KCNH8: variants seen among roughly 807,000 people sequenced by gnomAD.
The protein encoded by KCNH8 is voltage-gated delayed rectifier potassium channel KCNH8.
A neutral mutation model predicts 103.6 loss-of-function variants in KCNH8; 70 were observed. That is an observed-to-expected ratio of 0.68 (90% confidence interval 0.56 to 0.82). KCNH8 has a LOEUF of 0.82. Among genes scored for constraint, KCNH8 ranks in the 40% least tolerant of loss-of-function variants. KCNH8 has a pLI of 0.00. For missense variants in KCNH8, 1,217 were observed against 1,329.9 expected, an observed-to-expected ratio of 0.92 and a Z score of 1.32; for synonymous variants, 498 against 489.4, an observed-to-expected ratio of 1.02 and a Z score of -0.23.
At chr3:19,186,482 A>G in intron 1 of KCNH8, among the ~76,000 whole-genome samples, 1 of 151,918 alleles carries the variant, frequency 6.6e-6, no homozygotes, top group East Asian at 1.9e-4. Flanking sequence ...TTTTATTCAT[A>G]TATTGAAAGG....
intron 1 of KCNH8, among the ~76,000 whole-genome samples, chr3:19,151,312 C>T (rs779430905): frequency 3.9e-5 from 6 of 151,978 alleles, no homozygotes; most frequent in Non-Finnish European, 7.4e-5. Flanking sequence ...AAATTGCCAC[C>T]TACTCAAAAA....
chr3:19,483,943 A>G (rs1052177695), intron 11 of KCNH8, among the ~76,000 whole-genome samples: 1 of 152,074 alleles, frequency 6.6e-6, no homozygotes, highest in Admixed American at 6.5e-5. Context: ...CAAGACCAGT[A>G]TTTACATTTA....
chr3:19,471,987 C>CTG (rs2067867374), intron 11 of KCNH8, among the ~76,000 whole-genome samples: 2 of 152,164 alleles, frequency 1.3e-5, no homozygotes, highest in Admixed American at 6.5e-5. Flanking sequence ...GCACTTTTTT[C>CTG]TGTATGCTAT....
At chr3:19,515,713 C>T (rs1438877563) in intron 14 of KCNH8, among the ~76,000 whole-genome samples, 3 of 151,876 alleles carry the variant, frequency 2.0e-5, no homozygotes, top group African/African-American at 7.2e-5. Context: ...AGAGGATGGC[C>T]ATGTTTTACT....
chr3:19,524,897 TCAC>T (rs973383972), intron 15 of KCNH8, among the ~76,000 whole-genome samples: 8 of 151,856 alleles, frequency 5.3e-5, no homozygotes, highest in Admixed American at 2.0e-4. Context: ...CAGCAGAAGT[TCAC>T]CACAACTCCT....
At chr3:19,239,204 A>G (rs570311818) in intron 1 of KCNH8, among the ~76,000 whole-genome samples, 1 of 152,104 alleles carries the variant, frequency 6.6e-6, no homozygotes, top group Non-Finnish European at 1.5e-5. Flanking sequence ...TTGCTGGCCT[A>G]TTTTACTATT....
At chr3:19,511,160 C>A (rs1241021442) in intron 12 of KCNH8, among the ~76,000 whole-genome samples, 5 of 150,750 alleles carry the variant, frequency 3.3e-5, no homozygotes, top group African/African-American at 2.4e-5. Flanking sequence ...CCACCCCCCA[C>A]AGGCACCAGT....
intron 1 of KCNH8, among the ~76,000 whole-genome samples, chr3:19,219,226 C>T (rs1291586231): frequency 6.6e-6 from 1 of 152,108 alleles, no homozygotes; most frequent in Admixed American, 6.5e-5. Context: ...TTAAGTATGT[C>T]TTCAAATATG....
chr3:19,531,471 T>C (rs1054802680), intron 15 of KCNH8, among the ~76,000 whole-genome samples: 1 of 152,140 alleles, frequency 6.6e-6, no homozygotes, highest in Admixed American at 6.5e-5. Context: ...CTGAGAGATG[T>C]TGTTGTCTTC....
intron 3 of KCNH8, among the ~76,000 whole-genome samples, chr3:19,330,835 A>G (rs979795783): frequency 6.6e-6 from 1 of 152,216 alleles, no homozygotes; most frequent in Non-Finnish European, 1.5e-5. Context: ...AGGATCACCT[A>G]TAGGCAAAGG....
chr3:19,211,127 G>C (rs1372626006), intron 1 of KCNH8, among the ~76,000 whole-genome samples: 1 of 152,136 alleles, frequency 6.6e-6, no homozygotes, highest in Non-Finnish European at 1.5e-5. Flanking sequence ...GTACATGAGA[G>C]AAAGGTATTG....
intron 3 of KCNH8, among the ~76,000 whole-genome samples, chr3:19,330,444 A>G (rs2065490405): frequency 6.6e-6 from 1 of 152,192 alleles, no homozygotes; most frequent in Admixed American, 6.5e-5. Flanking sequence ...TCTTCCTTGT[A>G]ACTGATTGGG....
At chr3:19,363,019 C>T (rs994077775) in intron 5 of KCNH8, among the ~76,000 whole-genome samples, 1 of 152,048 alleles carries the variant, frequency 6.6e-6, no homozygotes, top group Middle Eastern at 3.2e-3. Flanking sequence ...CTTAATAATC[C>T]AGCTAATCTT....
chr3:19,318,265 A>ATTTAT (rs999755607), intron 3 of KCNH8, among the ~76,000 whole-genome samples: 18 of 151,814 alleles, frequency 1.2e-4, no homozygotes, highest in South Asian at 2.1e-4. Context: ...TGGGCAATTG[A>ATTTAT]TTTATTTTAT....
At chr3:19,347,617 C>T in intron 4 of KCNH8, 108 bp from the exon 5 acceptor site, 4 of 1,307,306 alleles carry the variant, frequency 3.1e-6, no homozygotes. Context: ...TAAGATACTG[C>T]TTTGTGTAGT....
At chr3:19,275,642 G>A (rs138918321) in intron 2 of KCNH8, among the ~76,000 whole-genome samples, 2 of 152,214 alleles carry the variant, frequency 1.3e-5, no homozygotes, top group East Asian at 3.9e-4. Flanking sequence ...TCATCTCTTA[G>A]TATAGTACAA....
At chr3:19,443,401 C>T (rs573562599) in intron 8 of KCNH8, among the ~76,000 whole-genome samples, 168 of 149,578 alleles carry the variant, frequency 1.1e-3, no homozygotes, top group African/African-American at 3.6e-3. Flanking sequence ...TACATATATA[C>T]ACACACACAC....
chr3:19,187,963 A>T (rs932308670), intron 1 of KCNH8, among the ~76,000 whole-genome samples: 2 of 152,038 alleles, frequency 1.3e-5, no homozygotes, highest in Non-Finnish European at 2.9e-5. Context: ...ACCACTATAC[A>T]CGTACCAGCG....
chr3:19,514,652 C>A (rs943885930), intron 13 of KCNH8, among the ~76,000 whole-genome samples: 1 of 150,160 alleles, frequency 6.7e-6, no homozygotes, highest in Admixed American at 6.7e-5. Context: ...GGGTTAGATA[C>A]TATTTACCAT....
Sources: gnomAD v4.1 joint callset for allele counts (sites outside exome capture counted in the v4.1 genomes callset) on GRCh38, gnomAD v4.1.1 for gene constraint, MANE v1.5 for transcripts, NCBI Gene and HGNC (gene_info 2026-07-23, HGNC 2026-07-21) for gene names.